Variants in CNNM2 observed in about 807,000 individuals in gnomAD.
CNNM2 encodes metal transporter CNNM2.
Under a neutral mutation model 66.9 loss-of-function variants are expected in CNNM2, and 12 were observed. That is an observed-to-expected ratio of 0.18 (90% CI 0.11 to 0.29). The LOEUF is 0.29. Among genes scored for constraint, CNNM2 ranks in the 10% least tolerant of loss-of-function variants. The pLI is 1.00. For missense variants in CNNM2, 705 were observed against 1,167.7 expected, an observed-to-expected ratio of 0.60 and a Z score of 5.77; for synonymous variants, 557 against 501.8, an observed-to-expected ratio of 1.11 and a Z score of -1.47.
intron 1 of CNNM2, among the ~76,000 whole-genome samples, chr10:102,940,710 G>T (rs375315676): frequency 2.0e-5 from 3 of 150,130 alleles, no homozygotes; most frequent in Non-Finnish European, 4.4e-5. Flanking sequence ...GAGCCACCGC[G>T]CCTGGTCCTT....
chr10:102,973,051 G>C (rs1270790695), intron 1 of CNNM2, among the ~76,000 whole-genome samples: 1 of 152,000 alleles, frequency 6.6e-6, no homozygotes, highest in Non-Finnish European at 1.5e-5. Flanking sequence ...TTTAAATTTT[G>C]TAGTATAATG....
At position 103,054,484 on chromosome 10, in the gene CNNM2, C is replaced by G; in HGVS notation, c.1903+18C>G. 2 of 1,612,612 alleles carry G rather than the reference C, an allele frequency of 1.2e-6. No individual in the cohort carries two copies. The highest frequency in any genetic ancestry group is 2.2e-5 in the South Asian group (2 of 90,948). ...AGCAACAGGCAAGTGCAGCTTATCACAGTTTGAGATCTCTACCAACCCTGA... is the reference window on the plus strand; with the variant it reads ...AGCAACAGGCAAGTGCAGCTTATCAGAGTTTGAGATCTCTACCAACCCTGA... On this transcript the variant is annotated intron_variant, in intron 3 of 7. Coordinates refer to ENST00000369878, the MANE Select transcript of CNNM2 (RefSeq NM_017649.5). The surrounding 1 kb of genome is among the most constrained non-coding windows in gnomAD (Gnocchi z 5.2).
chr10:102,950,940 A>C (rs1564817861), intron 1 of CNNM2, among the ~76,000 whole-genome samples: 2 of 149,154 alleles, frequency 1.3e-5, no homozygotes, highest in Admixed American at 1.3e-4. Context: ...CCTTTCTGTA[A>C]TATTAGTTCC....
chr10:103,023,809 G>A (rs1702821931), intron 1 of CNNM2, among the ~76,000 whole-genome samples: 2 of 152,078 alleles, frequency 1.3e-5, no homozygotes, highest in African/African-American at 2.4e-5. Context: ...AAACAAATTT[G>A]CAATCATTTG....
intron 1 of CNNM2, among the ~76,000 whole-genome samples, chr10:102,921,902 C>A (rs1228804403): frequency 6.6e-6 from 1 of 152,096 alleles, no homozygotes; most frequent in Non-Finnish European, 1.5e-5. Flanking sequence ...CCTCACAGCT[C>A]CTTAATGCCG....
intron 1 of CNNM2, among the ~76,000 whole-genome samples, chr10:103,024,246 A>G (rs1345689629): frequency 6.6e-6 from 1 of 152,198 alleles, no homozygotes; most frequent in Non-Finnish European, 1.5e-5. Flanking sequence ...ATAAGTTTAA[A>G]GTATATATAA....
At chr10:103,071,576 T>C (rs1342075137) in intron 5 of CNNM2, among the ~76,000 whole-genome samples, 198 bp from the exon 6 acceptor site, 1 of 152,218 alleles carries the variant, frequency 6.6e-6, no homozygotes, top group Non-Finnish European at 1.5e-5. Context: ...TTTCTCCTGA[T>C]CTTGGCCTCC....
chr10:103,082,748 T>G lies in CNNM2; in HGVS notation c.*5568T>G, dbSNP rs1442889741. ...TAGTTGGGCCCACCTGTATTCCTTATGACCAGTGTTTTGGATGAGGATGGA... is the reference window on the plus strand; with the variant it reads ...TAGTTGGGCCCACCTGTATTCCTTAGGACCAGTGTTTTGGATGAGGATGGA... On this transcript the variant is annotated 3_prime_UTR_variant, in exon 8 of 8. Transcript: ENST00000369878. 2.6e-5 allele frequency: 4 copies of G among 151,946 alleles called. No homozygotes were observed. The highest frequency in any genetic ancestry group is 9.7e-5 in the African/African-American group (4 of 41,348). 9.4% of individuals were successfully genotyped at this position (151,946 alleles called of 1,614,324 possible).
chr10:103,031,315 C>G (rs563544896), intron 1 of CNNM2, among the ~76,000 whole-genome samples: 13 of 151,986 alleles, frequency 8.6e-5, no homozygotes, highest in Admixed American at 6.5e-4. Context: ...TGGAGTGGTC[C>G]CAAGCATTTT....
intron 4 of CNNM2, among the ~76,000 whole-genome samples, chr10:103,067,708 C>T (rs939593407): frequency 9.2e-5 from 14 of 151,914 alleles, no homozygotes; most frequent in Admixed American, 1.3e-4. Flanking sequence ...CCCTGGGGTT[C>T]CAGGGATGAA....
At position 103,056,448 on chromosome 10, in the gene CNNM2, C is replaced by T. The variant is rs542767295; in HGVS notation, c.1904-347C>T. On this transcript the variant is annotated intron_variant, in intron 3 of 7. Transcript: ENST00000369878. ...TTGGCTTCTTCCTTTGGCTGTTGGT[C>T]GACAGTCAGGCTGTTATGGCTTGTT... Among the ~76,000 whole-genome samples the T allele has an allele frequency of 1.6e-3, 243 of 152,238 alleles. 2 individuals are homozygous for T. Among genetic ancestry groups the T allele is most frequent in the African/African-American group, 5.6e-3 (231 of 41,560 alleles).
chr10:103,003,514 CA>C (rs901352410), intron 1 of CNNM2, among the ~76,000 whole-genome samples: 6 of 152,136 alleles, frequency 3.9e-5, no homozygotes, highest in African/African-American at 1.4e-4. Context: ...TTTTCCCATC[CA>C]TGTAGAATTA....
chr10:102,930,093 G>A (rs1037906134), intron 1 of CNNM2, among the ~76,000 whole-genome samples: 2 of 152,176 alleles, frequency 1.3e-5, no homozygotes, highest in African/African-American at 4.8e-5. Context: ...GTGTGTTGCA[G>A]CGTTATCTAG....
intron 1 of CNNM2, among the ~76,000 whole-genome samples, chr10:102,990,299 A>G (rs1428733470): frequency 6.6e-6 from 1 of 152,016 alleles, no homozygotes; most frequent in African/African-American, 2.4e-5. Context: ...ACTTTCAAGT[A>G]GACAGGACAC....
chr10:103,006,024 C>T (rs964686327), intron 1 of CNNM2, among the ~76,000 whole-genome samples: 5 of 152,122 alleles, frequency 3.3e-5, no homozygotes, highest in African/African-American at 1.2e-4. Context: ...GTGTCATATG[C>T]AAATCATGAC....
Position 102,924,540 on chromosome 10 carries a change from A to G in CNNM2, c.1621+4439A>G, listed in dbSNP as rs555409511. 2.0e-5 allele frequency among the ~76,000 whole-genome samples: 3 copies of G among 152,188 alleles called. No homozygotes were observed. The East Asian group carries it at 5.8e-4, about 29-fold the overall frequency. ...TCTATAACTCAGCAAATCTCTCCAT[A>G]TTAATATACTGAGAGCTTAATATTA... On this transcript the variant is annotated intron_variant, in intron 1 of 7. Transcript: ENST00000369878.
At chr10:103,034,307 GTCTT>G (rs1238241837) in intron 1 of CNNM2, among the ~76,000 whole-genome samples, 5 of 145,904 alleles carry the variant, frequency 3.4e-5, no homozygotes, top group Non-Finnish European at 7.6e-5. Context: ...GTTAAGGTCT[GTCTT>G]TCTTGTTTTT....
intron 1 of CNNM2, among the ~76,000 whole-genome samples, chr10:102,946,785 TAAG>T: frequency 6.6e-6 from 1 of 152,190 alleles, no homozygotes; most frequent in Non-Finnish European, 1.5e-5. Flanking sequence ...GAAGCACCGT[TAAG>T]AAAGGATTGG....
In CNNM2 at chr10:102,962,170, G is replaced by C. The variant is rs143447108; in HGVS notation, c.1621+42069G>C. 2.5e-3 allele frequency among the ~76,000 whole-genome samples: 377 copies of C among 152,226 alleles called. 2 individuals are homozygous for C. Among genetic ancestry groups the C allele is most frequent in the African/African-American group, 8.8e-3 (367 of 41,542 alleles). ...CAACACACACTGGGGCCTGTCCCGG[G>C]GGGTGGTGGGGTAGGGAGAGCATCA... On this transcript the variant is annotated intron_variant, in intron 1 of 7. Transcript: ENST00000369878.
Sources: allele counts gnomAD v4.1 joint callset (sites outside exome capture counted in the v4.1 genomes callset), GRCh38; gene constraint gnomAD v4.1.1; non-coding constraint Gnocchi (gnomAD v3.1); transcripts MANE v1.5; gene names NCBI Gene and HGNC (gene_info 2026-07-23, HGNC 2026-07-21).